The following SHQ1 variants were observed in gnomAD, a reference collection of about 807,000 sequenced individuals.
The protein encoded by SHQ1 is protein SHQ1 homolog.
A neutral mutation model predicts 53.8 loss-of-function variants in SHQ1; 49 were observed. That is an observed-to-expected ratio of 0.91 (90% confidence interval 0.72 to 1.16). The LOEUF is 1.16. SHQ1 is among the 50% of genes most tolerant of loss of function. The pLI is 0.00. For synonymous variants in SHQ1, 243 were observed against 251.0 expected, an observed-to-expected ratio of 0.97 and a Z score of 0.30; for missense variants, 738 against 683.1, an observed-to-expected ratio of 1.08 and a Z score of -0.90.
At chr3:72,780,052 AC>A (rs1706040819) in intron 10 of SHQ1, among the ~76,000 whole-genome samples, 1 of 152,224 alleles carries the variant, frequency 6.6e-6, no homozygotes, top group African/African-American at 2.4e-5. Flanking sequence ...CCTGAGCAAC[AC>A]AGCAAGACCC....
At chr3:72,743,169 C>T in the SHQ1 span, among the ~76,000 whole-genome samples, 2 of 152,180 alleles carry the variant, frequency 1.3e-5, no homozygotes, top group African/African-American at 4.8e-5. Flanking sequence ...TTGTAGAAAT[C>T]AATACAGAAC....
chr3:72,745,962 C>G (rs146018172), downstream of SHQ1, among the ~76,000 whole-genome samples: 2,191 of 152,070 alleles, frequency 0.014, 25 homozygotes, highest in Non-Finnish European at 0.02. Flanking sequence ...CCTGCCTCAG[C>G]CTCGAGTAGC....
At chr3:72,767,634 A>C (rs1425578858) in intron 10 of SHQ1, among the ~76,000 whole-genome samples, 1 of 152,250 alleles carries the variant, frequency 6.6e-6, no homozygotes, top group Non-Finnish European at 1.5e-5. Context: ...TCTGTCCTCA[A>C]GACTTACTGG....
At chr3:72,822,339 C>T (rs545669788) in intron 6 of SHQ1, among the ~76,000 whole-genome samples, 1 of 152,122 alleles carries the variant, frequency 6.6e-6, no homozygotes, top group Non-Finnish European at 1.5e-5. Flanking sequence ...GATGCACCAG[C>T]CTGGCTATCA....
the SHQ1 span, among the ~76,000 whole-genome samples, chr3:72,742,865 C>T: frequency 2.0e-5 from 3 of 152,042 alleles, no homozygotes; most frequent in Non-Finnish European, 4.4e-5. Context: ...GAGCTCAGTC[C>T]TCGGCTTCGA....
intron 7 of SHQ1, among the ~76,000 whole-genome samples, chr3:72,816,509 G>GT (rs1011595121): frequency 2.6e-4 from 39 of 151,832 alleles, no homozygotes; most frequent in Non-Finnish European, 2.9e-4. Context: ...TAGAAAGGCT[G>GT]TTTTTTTTGG....
intron 3 of SHQ1, 136 bp from the exon 4 acceptor site, chr3:72,841,335 T>C (rs1575740940): frequency 1.7e-6 from 1 of 590,916 alleles, no homozygotes; most frequent in Non-Finnish European, 2.7e-6. Context: ...TATTCATAGC[T>C]CCGCTATTCG....
At chr3:72,763,074 G>C (rs936661525) in intron 10 of SHQ1, among the ~76,000 whole-genome samples, 6 of 151,804 alleles carry the variant, frequency 4.0e-5, no homozygotes, top group Non-Finnish European at 7.4e-5. Flanking sequence ...GAGAGAGAGA[G>C]AGAGAGAGAG....
chr3:72,793,117 T>A, intron 9 of SHQ1, 81 bp from the exon 10 acceptor site: 1 of 1,247,522 alleles, frequency 8.0e-7, no homozygotes, highest in Non-Finnish European at 1.1e-6. Flanking sequence ...CTAAAGCAGC[T>A]CAGAATCCTG....
At chr3:72,841,299 G>A in intron 3 of SHQ1, 100 bp from the exon 4 acceptor site, 5 of 792,612 alleles carry the variant, frequency 6.3e-6, no homozygotes, top group South Asian at 2.3e-5. Context: ...TGTACCAAAA[G>A]ACATATACCA....
At chr3:72,733,706 G>A in the SHQ1 span, among the ~76,000 whole-genome samples, 14 of 151,568 alleles carry the variant, frequency 9.2e-5, no homozygotes, top group Admixed American at 2.0e-4. Context: ...GCTGGTAGGC[G>A]GTAAATCCCA....
chr3:72,764,525 C>A (rs144278611), intron 10 of SHQ1, among the ~76,000 whole-genome samples: 192 of 152,252 alleles, frequency 1.3e-3, no homozygotes, highest in Non-Finnish European at 2.2e-3. Flanking sequence ...TACCAGAATA[C>A]CCTTAAATGA....
chr3:72,737,368 G>A, the SHQ1 span, among the ~76,000 whole-genome samples: 1 of 152,032 alleles, frequency 6.6e-6, no homozygotes. Context: ...AGGAGAGGCA[G>A]GAACCCTCTG....
At chr3:72,753,340 T>C in intron 10 of SHQ1, 1 of 985,468 alleles carries the variant, frequency 1.0e-6, no homozygotes, top group Non-Finnish European at 1.2e-6. Flanking sequence ...TGAGGCTTCA[T>C]TTCAGTGGAG....
At chr3:72,781,918 C>G (rs1706086175) in intron 10 of SHQ1, among the ~76,000 whole-genome samples, 1 of 152,024 alleles carries the variant, frequency 6.6e-6, no homozygotes, top group Non-Finnish European at 1.5e-5. Context: ...TTCCTATACC[C>G]CAAAAAGATT....
intron 4 of SHQ1, among the ~76,000 whole-genome samples, chr3:72,839,619 C>G (rs183024258): frequency 6.6e-6 from 1 of 152,316 alleles, no homozygotes; most frequent in Admixed American, 6.5e-5. Context: ...GGAGACAAAA[C>G]TTACTTGTGG....
the SHQ1 span, among the ~76,000 whole-genome samples, chr3:72,731,674 T>C: frequency 1.4e-5 from 2 of 147,890 alleles, no homozygotes; most frequent in African/African-American, 5.0e-5. Flanking sequence ...GGTGACAGAG[T>C]GAGACTCCGT....
chr3:72,764,295 G>A (rs546527848), intron 10 of SHQ1, among the ~76,000 whole-genome samples: 1 of 152,044 alleles, frequency 6.6e-6, no homozygotes, highest in Non-Finnish European at 1.5e-5. Flanking sequence ...CGATCCTCCC[G>A]CCTTGGCCTT....
intron 10 of SHQ1, among the ~76,000 whole-genome samples, chr3:72,768,757 T>C (rs957649737): frequency 7.2e-5 from 11 of 152,216 alleles, no homozygotes; most frequent in Non-Finnish European, 1.5e-4. Context: ...AGCAGCCTAT[T>C]TGCTGCTTAA....
Sources: gnomAD v4.1 joint callset for allele counts (sites outside exome capture counted in the v4.1 genomes callset) on GRCh38, gnomAD v4.1.1 for gene constraint, MANE v1.5 for transcripts, NCBI Gene and HGNC (gene_info 2026-07-23, HGNC 2026-07-21) for gene names.